The following AKNA variants were observed in gnomAD, a reference collection of about 807,000 sequenced individuals.
AKNA encodes microtubule organization protein AKNA.
AKNA carries 67 observed loss-of-function variants against 138.8 expected under a neutral mutation model. The ratio of observed to expected loss-of-function variants is 0.48; its 90% CI spans 0.40 to 0.59. The LOEUF is 0.59. AKNA is among the 20% of genes least tolerant of loss of function. The pLI is 0.00. For synonymous variants in AKNA, 737 were observed against 754.4 expected (o/e 0.98, Z 0.38); for missense variants, 1,813 against 1,880.4 (o/e 0.96, Z 0.66).
At chr9:114,375,635 G>C (rs1833114514) in intron 3 of AKNA, among the ~76,000 whole-genome samples, 1 of 152,024 alleles carries the variant, frequency 6.6e-6, no homozygotes, top group Non-Finnish European at 1.5e-5. Flanking sequence ...AAAAGGATTG[G>C]ATGCCTGAAA....
chr9:114,336,748 G>A lies in AKNA; in HGVS notation c.*306C>T. On this transcript the variant is annotated 3_prime_UTR_variant, in exon 22 of 22. Transcript: ENST00000374088. ...GTATATAAAATACCTATTATTAGCT[G>A]GAGTTGCACACATGCAGGACCAGGA... 1 of 375,120 alleles carries A rather than the reference G, an allele frequency of 2.7e-6. No homozygotes were observed. The highest frequency in any genetic ancestry group is 4.7e-6 in the Non-Finnish European group (1 of 211,482). 23.2% of individuals were successfully genotyped at this position (375,120 alleles called of 1,614,324 possible). A position where few individuals can be genotyped will look rare whatever the true frequency, so the allele number is the denominator to read the frequency against.
chr9:114,352,284 A>G (rs1254089808), intron 14 of AKNA, among the ~76,000 whole-genome samples: 1 of 152,222 alleles, frequency 6.6e-6, no homozygotes, highest in Non-Finnish European at 1.5e-5. Context: ...ATGTGAATCT[A>G]CAATTATCTC....
Position 114,350,879 on chromosome 9 carries a change from C to T in AKNA, c.3201G>A (p.Leu1067=). The change falls in exon 15 of 22, where the codon CTG becomes CTA. Residue 1067 remains leucine, a synonymous_variant. Coordinates refer to ENST00000374088, the MANE Select transcript of AKNA (RefSeq NM_001317950.2). ...CGPTETIPSF[L]LTRAGRDQAI... Reference sequence around the variant, plus strand: ...CTTACTCTCGCCCTGCCCTGGTGAGCAGGAAGCTGGGGATGGTCTCTGTTG... The same window carrying T: ...CTTACTCTCGCCCTGCCCTGGTGAGTAGGAAGCTGGGGATGGTCTCTGTTG... The T allele has an allele frequency of 6.3e-7, 1 of 1,582,232 alleles. No homozygotes were observed. Among genetic ancestry groups the T allele is most frequent in the Non-Finnish European group, 8.6e-7 (1 of 1,164,016 alleles).
rs760699711 is a variant in AKNA at position 114,359,879 on chromosome 9, G to A, written c.2291+17C>T. 4 of 1,614,098 alleles carry A rather than the reference G, an allele frequency of 2.5e-6. No homozygotes were observed. Among genetic ancestry groups the A allele is most frequent in the Non-Finnish European group, 3.4e-6 (4 of 1,180,052 alleles). ...GCTGCTGGCCAGACACCCTGGTCAG[G>A]TCCAGGTGGCACTCACCGCTCCATG... On this transcript the variant is annotated intron_variant, in intron 10 of 21. Coordinates refer to ENST00000374088, the MANE Select transcript of AKNA (RefSeq NM_001317950.2).
intron 4 of AKNA, among the ~76,000 whole-genome samples, chr9:114,371,990 C>G (rs1310147535): frequency 3.3e-5 from 5 of 152,146 alleles, no homozygotes; most frequent in Non-Finnish European, 7.4e-5. Flanking sequence ...CCCCATGGAC[C>G]CAGAGTGAAT....
chr9:114,344,248 A>G (rs967742532), intron 18 of AKNA: 3 of 179,282 alleles, frequency 1.7e-5, no homozygotes, highest in African/African-American at 7.2e-5. Flanking sequence ...GCACAGGGTC[A>G]GTGGTGTTTT....
chr9:114,350,230 C>A (rs2131843333), intron 15 of AKNA, among the ~76,000 whole-genome samples: 1 of 152,260 alleles, frequency 6.6e-6, no homozygotes, highest in Non-Finnish European at 1.5e-5. Flanking sequence ...AGCAGCTGGA[C>A]ACAACTTTGC....
rs200882090 is a variant in AKNA, at chr9:114,356,962, C to A, written c.2747G>T (p.Trp916Leu). ...RGGGPHLEET[W>L]MASPETDSGF... ...ACTGTCTGTCTCTGGGGACGCCATC[C>A]AGGTCTCCTGAAAGAGGCAGTATCC... Residue 916 changes from tryptophan (W) to leucine (L), a missense_variant, in exon 13 of 22, where the codon TGG becomes TTG. By Grantham distance (61) the Trp-to-Leu change is moderately conservative. Coordinates refer to ENST00000374088, the MANE Select transcript of AKNA (RefSeq NM_001317950.2). 7.0e-5 allele frequency: 111 copies of A among 1,580,502 alleles called. No individual in the cohort carries two copies. Among genetic ancestry groups the A allele is most frequent in the Non-Finnish European group, 2.0e-5 (23 of 1,166,736 alleles).
intron 14 of AKNA, among the ~76,000 whole-genome samples, chr9:114,353,415 C>T (rs1831271944): frequency 6.6e-6 from 1 of 152,278 alleles, no homozygotes; most frequent in South Asian, 2.1e-4. Flanking sequence ...AGGTGCCAGC[C>T]ACCACGTCTG....
chr9:114,372,671 A>G lies in AKNA; in HGVS notation c.1416+1422T>C, dbSNP rs996650956. Among the ~76,000 whole-genome samples, 3 of 152,290 alleles carry G rather than the reference A, an allele frequency of 2.0e-5. No individual in the cohort carries two copies. The East Asian group carries it at 5.8e-4, about 30-fold the overall frequency. ...AGTTTCCCAATCTGCCAAATGGGGA[A>G]GCCCAAGTGTTTGGGTCTGATGACC... On this transcript the variant is annotated intron_variant, in intron 4 of 21. Transcript: ENST00000374088.
chr9:114,347,850 A>T lies in AKNA; in HGVS notation c.3272T>A (p.Leu1091Gln). The T allele has an allele frequency of 6.4e-7, 1 of 1,550,460 alleles. No individual in the cohort carries two copies. The highest frequency in any genetic ancestry group is 8.7e-7 in the Non-Finnish European group (1 of 1,146,888). Residue 1091 changes from leucine to glutamine, a missense_variant, in exon 16 of 22, where the codon CTG becomes CAG. By Grantham distance (113) the Leu-to-Gln change is moderately radical. Coordinates refer to ENST00000374088, the MANE Select transcript of AKNA (RefSeq NM_001317950.2). ...GAGTGGCTGGTGCAGGCTGTCTTCC[A>T]GCCGCAGACGAAGCCGGGACACCTC... Reference protein sequence around the residue: ...QEEVSRLRLRLEDSLHQPLQG... With the variant: ...QEEVSRLRLRQEDSLHQPLQG...
Position 114,346,709 on chromosome 9 carries a change from C to T in AKNA, c.3474G>A (p.Arg1158=). The stretch of plus-strand genomic sequence containing the variant: ...GCACCTCCCGAGGCACTGAGGAAGA[C>T]CTGGCTCGCTGCCTTCCTGGAGGGA... ...QIVPPGRQRA[R]SSSVPREVLR... is the part of the protein sequence containing the mutation. The change falls in exon 17 of 22, where the codon AGG becomes AGA. Residue 1158 remains arginine (R), a synonymous_variant. Coordinates refer to ENST00000374088, the MANE Select transcript of AKNA (RefSeq NM_001317950.2). 1.2e-6 allele frequency: 2 copies of T among 1,612,900 alleles called. No homozygotes were observed. Among genetic ancestry groups the T allele is most frequent in the Non-Finnish European group, 1.7e-6 (2 of 1,179,480 alleles).
At position 114,377,425 on chromosome 9, in the gene AKNA, T is replaced by C. The variant is rs752331067; in HGVS notation, c.382A>G (p.Thr128Ala). 3 of 1,613,484 alleles carry C rather than the reference T, an allele frequency of 1.9e-6. No individual in the cohort carries two copies. Among genetic ancestry groups the C allele is most frequent in the Non-Finnish European group, 2.5e-6 (3 of 1,179,980 alleles). Reference sequence around the variant, plus strand: ...TCCTCAACCTCCAGACTTCCGAGGGTCCCATCTGGCTCCTCTTCAGTCATG... The same window carrying C: ...TCCTCAACCTCCAGACTTCCGAGGGCCCCATCTGGCTCCTCTTCAGTCATG... ...LDMTEEEPDGTLGSLEVEEAG... is the reference protein window; with the variant it reads ...LDMTEEEPDGALGSLEVEEAG... The change falls in exon 3 of 22, where the codon ACC becomes GCC. Residue 128 changes from threonine (T) to alanine (A), a missense_variant. Thr to Ala is a moderately conservative substitution (Grantham distance 58). Coordinates refer to ENST00000374088, the MANE Select transcript of AKNA (RefSeq NM_001317950.2).
Position 114,358,103 on chromosome 9 carries a change from C to T in AKNA, c.2557G>A (p.Gly853Arg), listed in dbSNP as rs369198137. 8.4e-5 allele frequency: 135 copies of T among 1,614,072 alleles called. No individual in the cohort carries two copies. Among genetic ancestry groups the T allele is most frequent in the African/African-American group, 1.6e-4 (12 of 74,938 alleles). Reference sequence around the variant, plus strand: ...GCCTTGCCCAGGCCTGACATGTGCCCGTCTCTAGCCAGGGATGCCTGGAAA... The same window carrying T: ...GCCTTGCCCAGGCCTGACATGTGCCTGTCTCTAGCCAGGGATGCCTGGAAA... ...PGFQASLARD[G>R]HMSGLGKAEA... Residue 853 changes from glycine to arginine, a missense_variant, in exon 12 of 22, where the codon GGG (glycine) becomes AGG (arginine). Physicochemically the swap from Gly to Arg is moderately radical, Grantham distance 125. Coordinates refer to ENST00000374088, the MANE Select transcript of AKNA (RefSeq NM_001317950.2).
intron 15 of AKNA, chr9:114,349,124 C>A: frequency 2.8e-6 from 1 of 356,020 alleles, no homozygotes; most frequent in Non-Finnish European, 5.7e-6. Flanking sequence ...AGTGACATCT[C>A]CCCACCCCCA....
chr9:114,337,366 G>A, intron 21 of AKNA, 60 bp from the exon 22 acceptor site: 1 of 1,374,118 alleles, frequency 7.3e-7, no homozygotes, highest in African/African-American at 1.5e-5. Context: ...AAGCCGAGGA[G>A]CACCGTGTGT....
chr9:114,348,797 C>T (rs1830889229), intron 15 of AKNA: 1 of 451,578 alleles, frequency 2.2e-6, no homozygotes, highest in East Asian at 7.0e-5. Context: ...TAGAGCCAGG[C>T]TCAGCAAAGC....
intron 3 of AKNA, 121 bp from the exon 4 acceptor site, chr9:114,374,288 T>C (rs1348879677): frequency 1.1e-6 from 1 of 946,286 alleles, no homozygotes; most frequent in African/African-American, 1.6e-5. Flanking sequence ...GAGGAAAGCA[T>C]TCAATGGTGG....
intron 4 of AKNA, among the ~76,000 whole-genome samples, chr9:114,372,907 G>A (rs10982184): frequency 6.7e-6 from 1 of 148,664 alleles, no homozygotes; most frequent in Non-Finnish European, 1.5e-5. Context: ...AGATGTGCCC[G>A]ATGAGGCCAA....
Sources: gnomAD v4.1 joint callset for allele counts (sites outside exome capture counted in the v4.1 genomes callset) on GRCh38, gnomAD v4.1.1 for gene constraint, MANE v1.5 for transcripts, NCBI Gene and HGNC (gene_info 2026-07-23, HGNC 2026-07-21) for gene names.